PREX2: variants seen among roughly 807,000 people sequenced by gnomAD.
The protein encoded by PREX2 is phosphatidylinositol-3,4,5-trisphosphate dependent Rac exchange factor 2.
Under a neutral mutation model 203.2 loss-of-function variants are expected in PREX2, and 107 were observed. The observed-to-expected ratio is 0.53, with a 90% CI of 0.45 to 0.62. The LOEUF (loss-of-function observed/expected upper bound fraction) is 0.62, where lower values mean the gene tolerates loss of function less well. Ranked by LOEUF, PREX2 falls within the 20% of genes least tolerant of loss-of-function variation. The pLI, the probability that PREX2 is intolerant of heterozygous loss-of-function variation, is 0.00. For synonymous variants in PREX2, 672 were observed against 663.6 expected, an observed-to-expected ratio of 1.01 and a Z score of -0.19; for missense variants, 1,777 against 1,955.9, an observed-to-expected ratio of 0.91 and a Z score of 1.72.
intron 1 of PREX2, among the ~76,000 whole-genome samples, chr8:67,965,941 T>TA (rs1267840247): frequency 2.0e-5 from 3 of 152,218 alleles, no homozygotes; most frequent in Non-Finnish European, 4.4e-5. Flanking sequence ...TTTAGTGCGC[T>TA]AATAATTCTC....
intron 31 of PREX2, among the ~76,000 whole-genome samples, chr8:68,130,723 C>G (rs1292248390): frequency 6.6e-6 from 1 of 152,162 alleles, no homozygotes; most frequent in East Asian, 1.9e-4. Flanking sequence ...GCCTAAGTCA[C>G]AGGCCACTTC....
chr8:68,032,862 A>G (rs922776917), intron 6 of PREX2, among the ~76,000 whole-genome samples: 1 of 152,020 alleles, frequency 6.6e-6, no homozygotes, highest in African/African-American at 2.4e-5. Flanking sequence ...CAAGTTTTTG[A>G]CGTTAGGAGT....
chr8:68,056,941 C>T (rs1226948463), intron 10 of PREX2, among the ~76,000 whole-genome samples: 1 of 152,186 alleles, frequency 6.6e-6, no homozygotes, highest in Non-Finnish European at 1.5e-5. Flanking sequence ...ACAGTGCTCA[C>T]TGGGATGCCT....
At chr8:68,109,202 C>G (rs1810482499) in intron 24 of PREX2, among the ~76,000 whole-genome samples, 1 of 152,144 alleles carries the variant, frequency 6.6e-6, no homozygotes, top group Non-Finnish European at 1.5e-5. Flanking sequence ...AAAGTGCTCT[C>G]AGCACCAACA....
At chr8:68,002,469 G>A (rs1041235564) in intron 1 of PREX2, among the ~76,000 whole-genome samples, 2 of 152,194 alleles carry the variant, frequency 1.3e-5, no homozygotes, top group African/African-American at 4.8e-5. Context: ...GTGAGCCACT[G>A]TGCCTGGCTG....
intron 31 of PREX2, 97 bp downstream of exon 31, chr8:68,127,516 A>G: frequency 2.6e-6 from 2 of 780,602 alleles, no homozygotes; most frequent in Admixed American, 4.2e-5. Flanking sequence ...TCAACCATTT[A>G]CAAAATAGAA....
chr8:68,141,091 AC>A (rs1247877459), intron 33 of PREX2, among the ~76,000 whole-genome samples: 2 of 152,224 alleles, frequency 1.3e-5, no homozygotes, highest in African/African-American at 4.8e-5. Flanking sequence ...AATGAGAGAT[AC>A]AAGGAAGTAA....
intron 1 of PREX2, among the ~76,000 whole-genome samples, chr8:67,961,388 G>A (rs1805628974): frequency 6.6e-6 from 1 of 151,478 alleles, no homozygotes; most frequent in Admixed American, 6.6e-5. Context: ...TATATTATTA[G>A]CTATGTTAAA....
At chr8:68,114,050 C>T (rs1320549941) in intron 25 of PREX2, among the ~76,000 whole-genome samples, 2 of 152,006 alleles carry the variant, frequency 1.3e-5, no homozygotes, top group Non-Finnish European at 2.9e-5. Flanking sequence ...TTAGTAGAGA[C>T]GGGATTTCAC....
intron 23 of PREX2, chr8:68,105,688 T>A: frequency 4.0e-6 from 1 of 251,124 alleles, no homozygotes; most frequent in Non-Finnish European, 6.1e-6. Context: ...GGATTATATA[T>A]ATATATATAT....
chr8:68,057,897 G>A (rs1222089363), intron 10 of PREX2, among the ~76,000 whole-genome samples: 1 of 152,176 alleles, frequency 6.6e-6, no homozygotes, highest in African/African-American at 2.4e-5. Flanking sequence ...TGTTCTTATT[G>A]AAGAAGAATA....
At position 68,022,749 on chromosome 8, in the gene PREX2, T is replaced by A. The variant is rs115251679; in HGVS notation, c.441+609T>A. Among the ~76,000 whole-genome samples the A allele has an allele frequency of 7.6e-3, 1,153 of 152,176 alleles. 21 individuals carry two copies. Among genetic ancestry groups the A allele is most frequent in the African/African-American group, 0.026 (1,070 of 41,494 alleles). On this transcript the variant is annotated intron_variant, in intron 4 of 39. Transcript: ENST00000288368. ...CCCAAATTCATTTTTAGATCATTTT[T>A]GTCACCTCAGAAAGACCTTCATGTC...
chr8:68,202,801 TGAG>T (rs1298714150), intron 37 of PREX2, among the ~76,000 whole-genome samples: 1 of 152,092 alleles, frequency 6.6e-6, no homozygotes, highest in Non-Finnish European at 1.5e-5. Context: ...CTGTGGAGGC[TGAG>T]AAGTCCCAGG....
chr8:67,990,418 A>T (rs895368116), intron 1 of PREX2, among the ~76,000 whole-genome samples: 1 of 151,424 alleles, frequency 6.6e-6, no homozygotes, highest in African/African-American at 2.4e-5. Context: ...ACTTAGGTCA[A>T]CTCCAATGGA....
intron 35 of PREX2, among the ~76,000 whole-genome samples, chr8:68,187,639 C>CA (rs1438566572): frequency 6.6e-6 from 1 of 152,212 alleles, no homozygotes; most frequent in East Asian, 1.9e-4. Flanking sequence ...TTTTTTACCA[C>CA]ATTGCTTTTT....
chr8:68,086,142 G>T (rs547666756), intron 18 of PREX2, among the ~76,000 whole-genome samples: 2 of 152,238 alleles, frequency 1.3e-5, no homozygotes, highest in East Asian at 3.9e-4. Context: ...TAAGGATAAA[G>T]GATACATTAA....
intron 1 of PREX2, among the ~76,000 whole-genome samples, chr8:67,964,606 C>A (rs1216297969): frequency 6.6e-6 from 1 of 152,026 alleles, no homozygotes; most frequent in Non-Finnish European, 1.5e-5. Flanking sequence ...GTAAGAGCTC[C>A]AGAGCTCTCA....
intron 20 of PREX2, among the ~76,000 whole-genome samples, chr8:68,092,663 G>A (rs1359622394): frequency 6.6e-6 from 1 of 152,120 alleles, no homozygotes; most frequent in Non-Finnish European, 1.5e-5. Flanking sequence ...AGACCAATGA[G>A]ATGAATGATG....
chr8:68,163,807 T>C (rs534598040), intron 35 of PREX2, among the ~76,000 whole-genome samples: 1 of 152,266 alleles, frequency 6.6e-6, no homozygotes, highest in Admixed American at 6.5e-5. Flanking sequence ...CTCACCTGTC[T>C]CATCTAAACT....
Sources: gnomAD v4.1 joint callset for allele counts (sites outside exome capture counted in the v4.1 genomes callset) on GRCh38, gnomAD v4.1.1 for gene constraint, MANE v1.5 for transcripts, NCBI Gene and HGNC (gene_info 2026-07-23, HGNC 2026-07-21) for gene names.